EYS: variants seen among roughly 807,000 people sequenced by gnomAD.
EYS encodes EGF-like photoreceptor maintenance factor.
Under a neutral mutation model 282.1 loss-of-function variants are expected in EYS, and 250 were observed. The ratio of observed to expected loss-of-function variants is 0.89; its 90% confidence interval spans 0.80 to 0.98. EYS has a LOEUF of 0.98. EYS is among the 50% of genes least tolerant of loss of function. EYS has a pLI of 0.00. For missense variants in EYS, 4,016 were observed against 3,709.0 expected, an observed-to-expected ratio of 1.08 and a Z score of -2.15; for synonymous variants, 1,355 against 1,282.9, an observed-to-expected ratio of 1.06 and a Z score of -1.20.
At chr6:65,528,334 G>A (rs534643644) in intron 2 of EYS, among the ~76,000 whole-genome samples, 1 of 152,276 alleles carries the variant, frequency 6.6e-6, no homozygotes, top group African/African-American at 2.4e-5. Flanking sequence ...CTATTGATAA[G>A]CAGACAAAAT....
chr6:64,779,806 GAGCTATA>G (rs1209416684), intron 22 of EYS, among the ~76,000 whole-genome samples: 2 of 152,062 alleles, frequency 1.3e-5, no homozygotes, highest in Non-Finnish European at 2.9e-5. Flanking sequence ...AAAAACATAA[GAGCTATA>G]AATTAAACAT....
chr6:64,871,225 G>A (rs1343380813), intron 19 of EYS, among the ~76,000 whole-genome samples: 4 of 151,126 alleles, frequency 2.6e-5, no homozygotes, highest in African/African-American at 7.3e-5. Context: ...CATGCCATTT[G>A]CATAATATTC....
intron 11 of EYS, among the ~76,000 whole-genome samples, chr6:65,306,421 G>A (rs916695583): frequency 1.3e-5 from 2 of 152,122 alleles, no homozygotes; most frequent in Admixed American, 1.3e-4. Context: ...AATGTTGTAT[G>A]ATAGCCCTTC....
intron 8 of EYS, among the ~76,000 whole-genome samples, chr6:65,383,028 G>T (rs1437836613): frequency 1.3e-5 from 2 of 151,918 alleles, no homozygotes; most frequent in African/African-American, 4.8e-5. Context: ...CTTGAAATCA[G>T]GTTGGTAAAA....
Position 64,591,807 on chromosome 6 carries a change from CA to C in EYS, c.4059del (p.Phe1353LeufsTer28). On this transcript the variant is annotated frameshift_variant, in exon 26 of 43. Coordinates refer to ENST00000503581, the MANE Select transcript of EYS (RefSeq NM_001142800.2). LOFTEE classifies it high-confidence loss of function. ...ACAATTTGTGCTGGGTCACGAATAC[CA>C]AAATTCAGGAATCGAGAAGAGGAAA... Reference protein sequence around the residue: ...ADVSSSRFLNFGIRDPAQIVQ... With the variant: ...ADVSSSRFLNXGIRDPAQIVQ... The C allele has an allele frequency of 1.3e-6, 2 of 1,551,212 alleles. No individual in the cohort carries two copies. The highest frequency in any genetic ancestry group is 2.4e-5 in the South Asian group (2 of 84,038).
intron 11 of EYS, chr6:65,331,362 G>T (rs1769790727): frequency 4.0e-6 from 3 of 746,244 alleles, no homozygotes; most frequent in Non-Finnish European, 3.3e-6. Flanking sequence ...TTTTAATGGA[G>T]AATTAGAGCA....
At chr6:64,124,328 A>ACT (rs1773690539) in intron 31 of EYS, among the ~76,000 whole-genome samples, 3 of 152,012 alleles carry the variant, frequency 2.0e-5, no homozygotes, top group Admixed American at 1.3e-4. Context: ...GGATACTCCT[A>ACT]CTCTCATCTA....
intron 36 of EYS, among the ~76,000 whole-genome samples, chr6:63,832,668 A>T (rs960339646): frequency 1.3e-5 from 2 of 152,200 alleles, no homozygotes; most frequent in African/African-American, 4.8e-5. Flanking sequence ...TCCTTCTGAA[A>T]CTATTCCAAT....
At chr6:64,659,309 C>T (rs1768896520) in intron 22 of EYS, among the ~76,000 whole-genome samples, 1 of 152,122 alleles carries the variant, frequency 6.6e-6, no homozygotes. Context: ...GACACCCTAA[C>T]ATCACAATTA....
intron 22 of EYS, among the ~76,000 whole-genome samples, chr6:64,749,423 C>T (rs894585897): frequency 1.3e-5 from 2 of 152,072 alleles, no homozygotes; most frequent in Admixed American, 1.3e-4. Context: ...TTTGTTGAGT[C>T]AGATTAGGGC....
intron 31 of EYS, among the ~76,000 whole-genome samples, chr6:64,111,861 T>C (rs1351820962): frequency 1.3e-5 from 2 of 152,056 alleles, no homozygotes; most frequent in African/African-American, 4.8e-5. Flanking sequence ...AAATATATTA[T>C]GGAAGCATAA....
At chr6:64,669,577 A>G (rs968122975) in intron 22 of EYS, among the ~76,000 whole-genome samples, 1 of 152,214 alleles carries the variant, frequency 6.6e-6, no homozygotes, top group Non-Finnish European at 1.5e-5. Flanking sequence ...TCCTTAAGAC[A>G]CAATTAAGTG....
intron 5 of EYS, among the ~76,000 whole-genome samples, chr6:65,432,079 T>C (rs1042577072): frequency 6.6e-5 from 10 of 152,132 alleles, no homozygotes; most frequent in African/African-American, 2.2e-4. Flanking sequence ...TAAAATCTTA[T>C]GATCCATAAA....
intron 31 of EYS, among the ~76,000 whole-genome samples, chr6:64,132,813 A>T (rs1167567698): frequency 6.6e-6 from 1 of 151,988 alleles, no homozygotes; most frequent in East Asian, 1.9e-4. Context: ...GAATGTTCAT[A>T]TATTTAATAC....
Position 65,666,037 on chromosome 6 carries a change from C to T in EYS, c.-447-26145G>A, listed in dbSNP as rs573880954. Among the ~76,000 whole-genome samples, 108 of 151,182 alleles carry T rather than the reference C, an allele frequency of 7.1e-4. 2 individuals are homozygous for T. In the South Asian group the frequency reaches 0.02, roughly 28 times the overall value. The stretch of plus-strand genomic sequence containing the variant: ...ATAGAACTTACCATCTCCAGGCATA[C>T]GTATTGATGGAATGTAAGTTAACAA... On this transcript the variant is annotated intron_variant, in intron 1 of 42. Transcript: ENST00000503581.
intron 22 of EYS, among the ~76,000 whole-genome samples, chr6:64,706,409 C>T (rs1360546319): frequency 2.0e-5 from 3 of 151,620 alleles, no homozygotes; most frequent in Non-Finnish European, 4.4e-5. Flanking sequence ...TAGTCAAAGA[C>T]TTCATGACCA....
chr6:64,811,972 T>A (rs1023429099), intron 22 of EYS, among the ~76,000 whole-genome samples: 7 of 152,156 alleles, frequency 4.6e-5, no homozygotes, highest in Admixed American at 1.3e-4. Context: ...AATTTTTTTA[T>A]TGAACAAAAT....
intron 16 of EYS, among the ~76,000 whole-genome samples, chr6:64,907,554 A>T (rs1464631776): frequency 6.6e-6 from 1 of 152,212 alleles, no homozygotes; most frequent in Non-Finnish European, 1.5e-5. Flanking sequence ...CAGACAGTTC[A>T]CAAAATTGAA....
chr6:63,908,012 G>GTATATATATATATATATA (rs57451331), intron 35 of EYS, among the ~76,000 whole-genome samples: 2 of 131,150 alleles, frequency 1.5e-5, no homozygotes, highest in African/African-American at 5.8e-5. Flanking sequence ...ACACACAAAC[G>GTATATATATATATATATA]TATATATATA....
Sources: allele counts gnomAD v4.1 joint callset (sites outside exome capture counted in the v4.1 genomes callset), GRCh38; gene constraint gnomAD v4.1.1; transcripts MANE v1.5; gene names NCBI Gene and HGNC (gene_info 2026-07-23, HGNC 2026-07-21).